DNAAF11: variants seen among roughly 807,000 people sequenced by gnomAD.
The protein encoded by DNAAF11 is dynein axonemal assembly factor 11.
In DNAAF11, 45 loss-of-function variants were observed where a neutral mutation model predicts 60.8. The observed-to-expected ratio is 0.74, with a 90% CI of 0.58 to 0.95. The LOEUF (loss-of-function observed/expected upper bound fraction) is 0.95, where lower values mean the gene tolerates loss of function less well. Among genes scored for constraint, DNAAF11 ranks in the 40% least tolerant of loss-of-function variants. The pLI, the probability that DNAAF11 is intolerant of heterozygous loss-of-function variation, is 0.00. For missense variants in DNAAF11, 546 were observed against 546.2 expected, an observed-to-expected ratio of 1.00 and a Z score of 0.00; for synonymous variants, 191 against 183.5, an observed-to-expected ratio of 1.04 and a Z score of -0.33.
At chr8:132,665,593 A>C (rs1222393409) in intron 1 of DNAAF11, among the ~76,000 whole-genome samples, 3 of 152,224 alleles carry the variant, frequency 2.0e-5, no homozygotes, top group Non-Finnish European at 2.9e-5. Context: ...AAAGTCATAA[A>C]ATAATAGACG....
chr8:132,675,437 C>G (rs1220597425), intron 1 of DNAAF11, 47 bp downstream of exon 1: 1 of 1,548,468 alleles, frequency 6.5e-7, no homozygotes, highest in South Asian at 1.2e-5. Context: ...CCCGGGACTA[C>G]TTCCACAAGG....
intron 10 of DNAAF11, among the ~76,000 whole-genome samples, chr8:132,599,788 G>A (rs1029085636): frequency 2.6e-5 from 4 of 152,064 alleles, no homozygotes; most frequent in Non-Finnish European, 5.9e-5. Flanking sequence ...AATAATAAGA[G>A]CTATTTATGA....
At chr8:132,613,671 T>C (rs937972142) in intron 8 of DNAAF11, among the ~76,000 whole-genome samples, 6 of 152,156 alleles carry the variant, frequency 3.9e-5, no homozygotes, top group Admixed American at 3.9e-4. Flanking sequence ...GTTGAAATGG[T>C]CGATTTTAAG....
rs770307699 is a variant in DNAAF11 at position 132,622,688 on chromosome 8, A to G, written c.837T>C (p.Ser279=). The part of the protein sequence containing the change: ...EKQRKKQEKL[S]EKKKKVKPPR... ...GTGGTTTCACTTTCTTCTTTTTTTC[A>G]CTTAAGATTGGTGGTGGATGAGAAC... The change falls in exon 7 of 12, where the codon AGT becomes AGC. Residue 279 remains serine, a splice_region_variant and synonymous_variant. Transcript: ENST00000620350. 1 of 1,610,224 alleles carries G rather than the reference A, an allele frequency of 6.2e-7. No individual in the cohort carries two copies. Among genetic ancestry groups the G allele is most frequent in the Non-Finnish European group, 8.5e-7 (1 of 1,176,784 alleles).
chr8:132,576,540 T>G (rs1814767793), intron 11 of DNAAF11, among the ~76,000 whole-genome samples: 2 of 152,118 alleles, frequency 1.3e-5, no homozygotes, highest in African/African-American at 2.4e-5. Flanking sequence ...CTGAAAGGGA[T>G]GTGTTGTTGT....
intron 10 of DNAAF11, among the ~76,000 whole-genome samples, chr8:132,607,143 A>T (rs777216426): frequency 6.6e-6 from 1 of 152,182 alleles, no homozygotes; most frequent in Non-Finnish European, 1.5e-5. Context: ...TAAGTGCTCT[A>T]TGCAGGTGTA....
chr8:132,626,465 T>C lies in DNAAF11; in HGVS notation c.654-1011A>G, dbSNP rs550655083. Among the ~76,000 whole-genome samples, 6 of 152,322 alleles carry C rather than the reference T, an allele frequency of 3.9e-5. No homozygotes were observed. In the South Asian group the frequency reaches 1.2e-3, roughly 32 times the overall value. On this transcript the variant is annotated intron_variant, in intron 5 of 11. Coordinates refer to ENST00000620350, the MANE Select transcript of DNAAF11 (RefSeq NM_012472.6). ...CCTTTTATTCATGTTTTGTGGACTG[T>C]CAGAGAATTAAACAACGTCTCTGTA...
the DNAAF11 span, among the ~76,000 whole-genome samples, chr8:132,685,384 G>A: frequency 6.6e-6 from 1 of 152,112 alleles, no homozygotes; most frequent in African/African-American, 2.4e-5. Flanking sequence ...TTGAAATGAG[G>A]CCCCTGGGGA....
At chr8:132,695,927 G>A in the DNAAF11 span, among the ~76,000 whole-genome samples, 1 of 152,178 alleles carries the variant, frequency 6.6e-6, no homozygotes. Context: ...ATATATGATT[G>A]AGGATAAGTG....
chr8:132,620,533 C>A (rs978812904), intron 7 of DNAAF11, among the ~76,000 whole-genome samples: 1 of 152,060 alleles, frequency 6.6e-6, no homozygotes, highest in Non-Finnish European at 1.5e-5. Flanking sequence ...TGGGGTTTCA[C>A]CACGTTGGCC....
chr8:132,651,704 C>T (rs1237202613), intron 3 of DNAAF11, among the ~76,000 whole-genome samples: 1 of 152,166 alleles, frequency 6.6e-6, no homozygotes, highest in African/African-American at 2.4e-5. Flanking sequence ...ACTTACTTCA[C>T]AAAATTAACA....
chr8:132,692,354 G>A, the DNAAF11 span, among the ~76,000 whole-genome samples: 3 of 152,148 alleles, frequency 2.0e-5, no homozygotes, highest in South Asian at 2.1e-4. Context: ...TCCCAGGGAC[G>A]TTAGTCATTC....
At chr8:132,659,924 TACACATGCG>T (rs1202102412) in intron 2 of DNAAF11, among the ~76,000 whole-genome samples, 2 of 152,148 alleles carry the variant, frequency 1.3e-5, no homozygotes, top group Non-Finnish European at 2.9e-5. Context: ...CATCCTCCCA[TACACATGCG>T]ACAACCAAAA....
intron 4 of DNAAF11, among the ~76,000 whole-genome samples, chr8:132,634,211 T>C (rs1302455419): frequency 6.6e-6 from 1 of 152,190 alleles, no homozygotes; most frequent in Non-Finnish European, 1.5e-5. Context: ...GCAGATTTGG[T>C]TCTGAGCTTC....
intron 10 of DNAAF11, chr8:132,608,416 A>T (rs1007972026): frequency 7.0e-6 from 3 of 426,862 alleles, no homozygotes; most frequent in Non-Finnish European, 1.4e-5. Context: ...CTTTTTCCTC[A>T]TAAGCCATTT....
Position 132,572,500 on chromosome 8 carries a change from C to A in DNAAF11, c.1227-20G>T, listed in dbSNP as rs1158778177. ...TTGCTTCTATAACAACAAAAAAAGA[C>A]AAACAGAAACTGATACTACATCATT... On this transcript the variant is annotated intron_variant, in intron 11 of 11. Coordinates refer to ENST00000620350, the MANE Select transcript of DNAAF11 (RefSeq NM_012472.6). 2 of 1,547,030 alleles carry A rather than the reference C, an allele frequency of 1.3e-6. No individual in the cohort carries two copies. Among genetic ancestry groups the A allele is most frequent in the Non-Finnish European group, 8.8e-7 (1 of 1,140,580 alleles).
intron 3 of DNAAF11, among the ~76,000 whole-genome samples, chr8:132,654,524 C>T (rs1348589374): frequency 2.0e-5 from 3 of 151,824 alleles, no homozygotes; most frequent in Non-Finnish European, 4.4e-5. Context: ...AATGTTGGGC[C>T]ATAAAACAAG....
chr8:132,591,981 A>C (rs941779954), intron 10 of DNAAF11, among the ~76,000 whole-genome samples: 1 of 152,204 alleles, frequency 6.6e-6, no homozygotes, highest in African/African-American at 2.4e-5. Context: ...AATGCTTTTA[A>C]AATAATACTC....
At chr8:132,679,241 T>C (rs1292177271), upstream of DNAAF11, among the ~76,000 whole-genome samples, 2 of 152,214 alleles carry the variant, frequency 1.3e-5, no homozygotes, top group Non-Finnish European at 2.9e-5. Context: ...TTGTTGTTTG[T>C]TTGTTTCCAT....
Sources: gnomAD v4.1 joint callset for allele counts (sites outside exome capture counted in the v4.1 genomes callset) on GRCh38, gnomAD v4.1.1 for gene constraint, MANE v1.5 for transcripts, NCBI Gene and HGNC (gene_info 2026-07-23, HGNC 2026-07-21) for gene names.